TXNDC17: variants seen among roughly 807,000 people sequenced by gnomAD.
TXNDC17 encodes the protein thioredoxin domain containing 17.
Under a neutral mutation model 16.3 loss-of-function variants are expected in TXNDC17, and 12 were observed. The ratio of observed to expected loss-of-function variants is 0.74; its 90% CI spans 0.47 to 1.19. TXNDC17 has a LOEUF of 1.19. Ranked by LOEUF, TXNDC17 falls within the 50% of genes most tolerant of loss-of-function variation. The pLI is 0.00. For missense variants in TXNDC17, 158 were observed against 149.7 expected, an observed-to-expected ratio of 1.06 and a Z score of -0.29; for synonymous variants, 62 against 55.0, an observed-to-expected ratio of 1.13 and a Z score of -0.56.
In TXNDC17 at chr17:6,643,698, T is replaced by A. The variant is rs1206852116; in HGVS notation, c.*679T>A. On this transcript the variant is annotated 3_prime_UTR_variant, in exon 4 of 4. Transcript: ENST00000250101. ...TTACTCACCCCGTCCAAACCTCAGT[T>A]TTCTCTTCTATAAACAAGGTTCTTA... The A allele has an allele frequency of 6.4e-6, 1 of 156,522 alleles. No homozygotes were observed. The highest frequency in any genetic ancestry group is 1.4e-5 in the Non-Finnish European group (1 of 70,964). The allele number at this position is 156,522 out of a possible 1,614,324, so 9.7% of individuals were successfully genotyped here. A position where few individuals can be genotyped will look rare whatever the true frequency, so the allele number is the denominator to read the frequency against.
chr17:6,641,285 C>CGG, intron 1 of TXNDC17, 58 bp downstream of exon 1: 1 of 1,600,804 alleles, frequency 6.2e-7, no homozygotes, highest in Admixed American at 1.7e-5. Flanking sequence ...GTCGAGCCTA[C>CGG]GGCCAGAAGG....
chr17:6,641,499 G>T, intron 1 of TXNDC17: 1 of 632,474 alleles, frequency 1.6e-6, no homozygotes, highest in Non-Finnish European at 2.7e-6. Context: ...ACGTGAGTTG[G>T]TCAGCAAATA....
At chr17:6,641,415 CT>C in intron 1 of TXNDC17, 188 bp downstream of exon 1, 1 of 809,332 alleles carries the variant, frequency 1.2e-6, no homozygotes, top group East Asian at 2.7e-5. Flanking sequence ...CTTTTACCAC[CT>C]TACCCGGATG....
chr17:6,641,313 G>C, intron 1 of TXNDC17, 86 bp downstream of exon 1: 1 of 1,567,600 alleles, frequency 6.4e-7, no homozygotes, highest in Non-Finnish European at 8.7e-7. Flanking sequence ...AGCGGAGGCA[G>C]AGTCTTGGTT....
In TXNDC17 at chr17:6,643,387, T is replaced by A. The variant is rs1163121364; in HGVS notation, c.*368T>A. ...AACTGATGATATTCCTGAAACCCCT[T>A]CTTTGATTTTGGAATGTAGAACCTA... On this transcript the variant is annotated 3_prime_UTR_variant, in exon 4 of 4. Transcript: ENST00000250101. 8 of 174,376 alleles carry A rather than the reference T, an allele frequency of 4.6e-5. No homozygotes were observed. The highest frequency in any genetic ancestry group is 1.9e-4 in the African/African-American group (8 of 41,920). 10.8% of individuals were successfully genotyped at this position (174,376 alleles called of 1,614,324 possible). A position where few individuals can be genotyped will look rare whatever the true frequency, so the allele number is the denominator to read the frequency against.
In TXNDC17 at chr17:6,642,843, T is replaced by C. The variant is rs1597630264; in HGVS notation, c.304-108T>C. ...TTATAACTAGATGATAGTTTCTGAATTGCGTAATTTCTGTGTTCAAAGATG... is the reference window on the plus strand; with the variant it reads ...TTATAACTAGATGATAGTTTCTGAACTGCGTAATTTCTGTGTTCAAAGATG... On this transcript the variant is annotated intron_variant, in intron 3 of 3. Coordinates refer to ENST00000250101, the MANE Select transcript of TXNDC17 (RefSeq NM_032731.4). 7 of 782,490 alleles carry C rather than the reference T, an allele frequency of 8.9e-6. No homozygotes were observed. In the East Asian group the frequency reaches 1.8e-4, roughly 20 times the overall value. The allele number at this position is 782,490 out of a possible 1,614,324, so 48.5% of individuals were successfully genotyped here. A position where few individuals can be genotyped will look rare whatever the true frequency, so the allele number is the denominator to read the frequency against.
In TXNDC17 at chr17:6,641,785, A is replaced by G. The variant is rs1972677412; in HGVS notation, c.178A>G (p.Ile60Val). The change falls in exon 2 of 4, where the codon ATT becomes GTT. Residue 60 changes from isoleucine to valine, a missense_variant. By Grantham distance (29) the Ile-to-Val change is conservative. Coordinates refer to ENST00000250101, the MANE Select transcript of TXNDC17 (RefSeq NM_032731.4). ...AGTCGTACGAGAGGGGCTGAAGCAC[A>G]TTAGTGAAGGATGTGTGTTCATCTA... The part of the protein sequence containing the change: ...EPVVREGLKH[I>V]SEGCVFIYCQ... 1 of 1,614,182 alleles carries G rather than the reference A, an allele frequency of 6.2e-7. No homozygotes were observed. The highest frequency in any genetic ancestry group is 1.1e-5 in the South Asian group (1 of 91,088).
chr17:6,644,319 AT>A lies in TXNDC17; in HGVS notation c.*1301del, dbSNP rs1972736637. 1 of 834,696 alleles carries A rather than the reference AT, an allele frequency of 1.2e-6. No homozygotes were observed. Among genetic ancestry groups the A allele is most frequent in the South Asian group, 2.9e-5 (1 of 33,912 alleles). The allele number at this position is 834,696 out of a possible 1,614,324, so 51.7% of individuals were successfully genotyped here. ...GTTTAACAGAAATAGTCTATTAACAATAAAAAGTTGGATGAAAAAGCACACT... is the reference window on the plus strand; with the variant it reads ...GTTTAACAGAAATAGTCTATTAACAAAAAAAGTTGGATGAAAAAGCACACT... On this transcript the variant is annotated 3_prime_UTR_variant, in exon 4 of 4. Transcript: ENST00000250101.
At position 6,641,228 on chromosome 17, in the gene TXNDC17, G is replaced by A; in HGVS notation, c.145+1G>A. ...AGCTGGTGCCCCGACTGCGTGCAGG[G>A]TGAGGCCGGGATTCGGGGGCTGCTG... On this transcript the variant is annotated splice_donor_variant, in intron 1 of 3. Transcript: ENST00000250101. LOFTEE classifies it high-confidence loss of function. 1 of 1,613,436 alleles carries A rather than the reference G, an allele frequency of 6.2e-7. No homozygotes were observed. The highest frequency in any genetic ancestry group is 8.5e-7 in the Non-Finnish European group (1 of 1,179,970).
intron 3 of TXNDC17, chr17:6,642,676 TGAG>T (rs1182781340): frequency 1.7e-5 from 8 of 476,494 alleles, no homozygotes; most frequent in Non-Finnish European, 2.6e-5. Context: ...ATTAAAGAGT[TGAG>T]GGGAAGAAGA....
chr17:6,642,350 C>G (rs777856265), intron 3 of TXNDC17, 26 bp downstream of exon 3: 3 of 1,425,592 alleles, frequency 2.1e-6, no homozygotes, highest in Admixed American at 2.0e-5. Flanking sequence ...TATGCTGGGC[C>G]TGTAATTCAC....
At chr17:6,642,016 G>C (rs2150945734) in intron 2 of TXNDC17, 182 bp downstream of exon 2, 1 of 697,972 alleles carries the variant, frequency 1.4e-6, no homozygotes, top group South Asian at 1.9e-5. Flanking sequence ...GTAATTCAAC[G>C]AATTTGGTCT....
rs1369362686 is a variant in TXNDC17, at chr17:6,642,294, A to T, written c.273A>T (p.Thr91=). ...NNDFRKNLKV[T]AVPTLLKYGT... is the part of the protein sequence containing the mutation. ...ACTTCAGAAAAAACTTGAAAGTAAC[A>T]GCAGTGCCTACACTACTTAAGTATG... Residue 91 remains threonine (T), a synonymous_variant, in exon 3 of 4, where the codon ACA becomes ACT. Coordinates refer to ENST00000250101, the MANE Select transcript of TXNDC17 (RefSeq NM_032731.4). 1 of 1,611,594 alleles carries T rather than the reference A, an allele frequency of 6.2e-7. No individual in the cohort carries two copies.
In TXNDC17 at chr17:6,641,535, C is replaced by T. The variant is rs1972667061; in HGVS notation, c.146-218C>T. 11 of 638,280 alleles carry T rather than the reference C, an allele frequency of 1.7e-5. 1 individual carries two copies. Among genetic ancestry groups the T allele is most frequent in the South Asian group, 9.7e-5 (5 of 51,284 alleles). The allele number at this position is 638,280 out of a possible 1,614,324, so 39.5% of individuals were successfully genotyped here. On this transcript the variant is annotated intron_variant, in intron 1 of 3. Transcript: ENST00000250101. Reference sequence around the variant, plus strand: ...CATGTGCTTTCCATTGTTACGGGCGCGGTGGTGCAGGGGCAAATCGGGACT... The same window carrying T: ...CATGTGCTTTCCATTGTTACGGGCGTGGTGGTGCAGGGGCAAATCGGGACT...
At chr17:6,641,907 C>G (rs1972682621) in intron 2 of TXNDC17, 73 bp downstream of exon 2, 3 of 1,300,444 alleles carry the variant, frequency 2.3e-6, no homozygotes, top group Middle Eastern at 1.8e-4. Context: ...GCCTCAGGGA[C>G]TTACTTACCC....
intron 1 of TXNDC17, 89 bp downstream of exon 1, chr17:6,641,316 T>G: frequency 1.3e-6 from 2 of 1,559,992 alleles, no homozygotes; most frequent in Non-Finnish European, 1.7e-6. Context: ...GGAGGCAGAG[T>G]CTTGGTTCCA....
At position 6,641,151 on chromosome 17, in the gene TXNDC17, T is replaced by G. The variant is rs778189040; in HGVS notation, c.69T>G (p.Asn23Lys). 5 of 1,613,692 alleles carry G rather than the reference T, an allele frequency of 3.1e-6. No homozygotes were observed. In the South Asian group the frequency reaches 5.5e-5, roughly 18 times the overall value. ...TCCACCGGGCCGTGGAACAGCACAA[T>G]GGCAAGACCATTTTCGCCTACTTTA... ...EEFHRAVEQH[N>K]GKTIFAYFTG... The change falls in exon 1 of 4, where the codon AAT (asparagine) becomes AAG (lysine). Residue 23 changes from asparagine (N) to lysine (K), a missense_variant. Coordinates refer to ENST00000250101, the MANE Select transcript of TXNDC17 (RefSeq NM_032731.4).
intron 1 of TXNDC17, 63 bp downstream of exon 1, chr17:6,641,290 AG>A: frequency 6.3e-7 from 1 of 1,597,978 alleles, no homozygotes; most frequent in South Asian, 1.1e-5. Context: ...GCCTACGGCC[AG>A]AAGGGGGGCT....
rs767031210 is a variant in TXNDC17, at chr17:6,642,325, G to A, written c.303+1G>A. On this transcript the variant is annotated splice_donor_variant, in intron 3 of 3. Coordinates refer to ENST00000250101, the MANE Select transcript of TXNDC17 (RefSeq NM_032731.4). LOFTEE classifies it high-confidence loss of function. ...GCCTACACTACTTAAGTATGGAACA[G>A]TAAGTATCTTTAAATATGCTGGGCC... 1 of 1,586,086 alleles carries A rather than the reference G, an allele frequency of 6.3e-7. No individual in the cohort carries two copies. Among genetic ancestry groups the A allele is most frequent in the South Asian group, 1.1e-5 (1 of 87,492 alleles).
Sources: allele counts gnomAD v4.1 joint callset, GRCh38; gene constraint gnomAD v4.1.1; transcripts MANE v1.5; gene names NCBI Gene and HGNC (gene_info 2026-07-23, HGNC 2026-07-21).